CNTNAP5: variants seen among roughly 807,000 people sequenced by gnomAD.
The protein encoded by CNTNAP5 is contactin associated protein family member 5, also known as contactin-associated protein-like 5.
Under a neutral mutation model 150.2 loss-of-function variants are expected in CNTNAP5, and 72 were observed. The observed-to-expected ratio is 0.48, with a 90% CI of 0.40 to 0.58. The LOEUF (loss-of-function observed/expected upper bound fraction) is 0.58. Among genes scored for constraint, CNTNAP5 ranks in the 20% least tolerant of loss-of-function variants. CNTNAP5 has a pLI of 0.00. For missense variants in CNTNAP5, 1,636 were observed against 1,626.2 expected, an observed-to-expected ratio of 1.01 and a Z score of -0.10; for synonymous variants, 672 against 619.8, an observed-to-expected ratio of 1.08 and a Z score of -1.25.
intron 1 of CNTNAP5, among the ~76,000 whole-genome samples, chr2:124,149,940 C>T (rs189645946): frequency 5.3e-4 from 80 of 152,244 alleles, no homozygotes; most frequent in African/African-American, 1.8e-3. Context: ...CACCTTCTGG[C>T]CAACACTGCT....
chr2:124,407,111 T>C (rs1691591408), intron 3 of CNTNAP5, among the ~76,000 whole-genome samples: 1 of 152,250 alleles, frequency 6.6e-6, no homozygotes, highest in Non-Finnish European at 1.5e-5. Context: ...GCATTGTTTC[T>C]ATATCTTTGC....
At chr2:124,123,043 C>G (rs376541823) in intron 1 of CNTNAP5, among the ~76,000 whole-genome samples, 1 of 151,940 alleles carries the variant, frequency 6.6e-6, no homozygotes, top group Non-Finnish European at 1.5e-5. Context: ...ACTGAGGTAC[C>G]GGGTTCATCT....
intron 3 of CNTNAP5, among the ~76,000 whole-genome samples, chr2:124,330,782 T>A (rs933524694): frequency 3.3e-5 from 5 of 149,592 alleles, no homozygotes; most frequent in Non-Finnish European, 6.0e-5. Context: ...CAAAAAAAAA[T>A]GCTTCAATTA....
At chr2:124,543,572 T>TA (rs1695439340) in intron 10 of CNTNAP5, among the ~76,000 whole-genome samples, 1 of 152,210 alleles carries the variant, frequency 6.6e-6, no homozygotes, top group Admixed American at 6.5e-5. Flanking sequence ...GTCGGCTGTT[T>TA]ATCTGAAAGT....
intron 1 of CNTNAP5, among the ~76,000 whole-genome samples, chr2:124,086,888 TCTTAA>T (rs1457497104): frequency 6.6e-6 from 1 of 151,786 alleles, no homozygotes; most frequent in African/African-American, 2.4e-5. Context: ...GCTTTCTTTT[TCTTAA>T]CTTATTGTGG....
At chr2:124,122,133 C>A (rs1015374422) in intron 1 of CNTNAP5, among the ~76,000 whole-genome samples, 1 of 152,094 alleles carries the variant, frequency 6.6e-6, no homozygotes, top group Non-Finnish European at 1.5e-5. Flanking sequence ...GGTCTTATTT[C>A]TTCCTGCCAC....
chr2:124,775,852 C>T (rs1681310872), intron 17 of CNTNAP5, among the ~76,000 whole-genome samples: 1 of 152,148 alleles, frequency 6.6e-6, no homozygotes, highest in African/African-American at 2.4e-5. Context: ...AGTACCGCCC[C>T]TTCTGCTTTG....
intron 4 of CNTNAP5, among the ~76,000 whole-genome samples, chr2:124,420,815 T>C (rs924853513): frequency 1.3e-5 from 2 of 152,150 alleles, no homozygotes; most frequent in Admixed American, 6.5e-5. Context: ...AGACCCACAA[T>C]TGTATAAGCC....
At chr2:124,228,410 G>T (rs1038549063) in intron 2 of CNTNAP5, among the ~76,000 whole-genome samples, 2 of 152,102 alleles carry the variant, frequency 1.3e-5, no homozygotes, top group Non-Finnish European at 2.9e-5. Context: ...TTTACCAGCT[G>T]CCTGGATATC....
chr2:124,490,024 A>G (rs1447107489), intron 7 of CNTNAP5, among the ~76,000 whole-genome samples: 1 of 152,156 alleles, frequency 6.6e-6, no homozygotes, highest in African/African-American at 2.4e-5. Context: ...CTACCAAGAA[A>G]TGGAGGAACA....
intron 3 of CNTNAP5, among the ~76,000 whole-genome samples, chr2:124,367,352 A>G (rs1690402205): frequency 6.6e-6 from 1 of 152,180 alleles, no homozygotes; most frequent in South Asian, 2.1e-4. Flanking sequence ...ACTTACAATT[A>G]TGGTGGAAGG....
chr2:124,135,760 T>C (rs1284759818), intron 1 of CNTNAP5, among the ~76,000 whole-genome samples: 1 of 152,192 alleles, frequency 6.6e-6, no homozygotes, highest in African/African-American at 2.4e-5. Context: ...CAGGCTTCGT[T>C]TGTTCATTTG....
At chr2:124,825,465 CT>C (rs1397894412) in intron 19 of CNTNAP5, among the ~76,000 whole-genome samples, 4 of 152,174 alleles carry the variant, frequency 2.6e-5, no homozygotes, top group African/African-American at 9.7e-5. Flanking sequence ...TGAACAGCAC[CT>C]TAGACAGTTG....
At chr2:124,628,487 AG>A (rs1195577175) in intron 12 of CNTNAP5, among the ~76,000 whole-genome samples, 1 of 152,206 alleles carries the variant, frequency 6.6e-6, no homozygotes, top group African/African-American at 2.4e-5. Context: ...CAAAGAAAAA[AG>A]TAAAATCTTT....
chr2:124,276,486 C>T (rs1687885844), intron 3 of CNTNAP5, among the ~76,000 whole-genome samples: 1 of 152,112 alleles, frequency 6.6e-6, no homozygotes, highest in African/African-American at 2.4e-5. Context: ...ATGATACATG[C>T]ACCTAGTAGA....
intron 1 of CNTNAP5, among the ~76,000 whole-genome samples, chr2:124,180,301 G>A (rs1685179435): frequency 6.6e-6 from 1 of 152,104 alleles, no homozygotes; most frequent in Non-Finnish European, 1.5e-5. Flanking sequence ...TTTCCTGCTT[G>A]TTTTCTGGAA....
At chr2:124,468,585 A>T (rs1001228394) in intron 6 of CNTNAP5, among the ~76,000 whole-genome samples, 1 of 152,004 alleles carries the variant, frequency 6.6e-6, no homozygotes, top group Non-Finnish European at 1.5e-5. Context: ...TCAAATGTTA[A>T]TCTCTTCTGG....
At chr2:124,690,877 T>G (rs1425862942) in intron 13 of CNTNAP5, among the ~76,000 whole-genome samples, 1 of 152,102 alleles carries the variant, frequency 6.6e-6, no homozygotes, top group East Asian at 1.9e-4. Flanking sequence ...AGTGTAAAAT[T>G]TATCATGTTG....
chr2:124,517,483 G>T (rs965221061), intron 8 of CNTNAP5, among the ~76,000 whole-genome samples: 2 of 150,750 alleles, frequency 1.3e-5, no homozygotes, highest in South Asian at 4.2e-4. Flanking sequence ...GGGAGGTTGT[G>T]GTGTTGGTAA....
Sources: gnomAD v4.1 joint callset for allele counts (sites outside exome capture counted in the v4.1 genomes callset) on GRCh38, gnomAD v4.1.1 for gene constraint, MANE v1.5 for transcripts, NCBI Gene and HGNC (gene_info 2026-07-23, HGNC 2026-07-21) for gene names.